NRG1: variants seen among roughly 807,000 people sequenced by gnomAD.
NRG1 encodes neuregulin 1, also known as pro-neuregulin-1, membrane-bound isoform.
In NRG1, 18 loss-of-function variants were observed where a neutral mutation model predicts 63.8. The observed-to-expected ratio is 0.28, with a 90% CI of 0.19 to 0.42. NRG1 has a LOEUF of 0.42. NRG1 is among the 10% of genes least tolerant of loss of function. The pLI, the probability that NRG1 is intolerant of heterozygous loss-of-function variation, is 1.00. For synonymous variants in NRG1, 302 were observed against 301.3 expected (o/e 1.00, Z -0.02); for missense variants, 762 against 814.7 (o/e 0.94, Z 0.79).
chr8:31,673,536 A>G (rs1487271174), intron 1 of NRG1, among the ~76,000 whole-genome samples: 1 of 152,174 alleles, frequency 6.6e-6, no homozygotes, highest in Non-Finnish European at 1.5e-5. Context: ...TGTACATTTA[A>G]TAAGTCATTG....
At chr8:32,258,251 T>C (rs1210307473) in intron 1 of NRG1, among the ~76,000 whole-genome samples, 1 of 152,232 alleles carries the variant, frequency 6.6e-6, no homozygotes, top group Non-Finnish European at 1.5e-5. Context: ...TCTCTCATTC[T>C]GAAATAGCTT....
At chr8:32,232,345 G>A (rs1461764915) in intron 1 of NRG1, among the ~76,000 whole-genome samples, 1 of 152,172 alleles carries the variant, frequency 6.6e-6, no homozygotes, top group African/African-American at 2.4e-5. Flanking sequence ...GTAGTGTTTT[G>A]TTTTGTTTTG....
intron 1 of NRG1, among the ~76,000 whole-genome samples, chr8:32,338,964 A>C (rs1437931381): frequency 1.4e-4 from 22 of 152,090 alleles, no homozygotes; most frequent in Non-Finnish European, 1.5e-5. Context: ...GCTCCTATCT[A>C]CCATAGAAGG....
At chr8:32,359,779 G>A (rs1173004380) in intron 1 of NRG1, among the ~76,000 whole-genome samples, 1 of 152,086 alleles carries the variant, frequency 6.6e-6, no homozygotes, top group East Asian at 1.9e-4. Flanking sequence ...GTCTAGTAAA[G>A]TTATTGTAAG....
intron 1 of NRG1, among the ~76,000 whole-genome samples, chr8:31,833,150 A>G (rs913521259): frequency 6.6e-6 from 1 of 152,168 alleles, no homozygotes; most frequent in African/African-American, 2.4e-5. Context: ...AAAGGCACAT[A>G]GAGAAGAGTG....
rs1801664640 is a variant in NRG1, at chr8:32,657,059, T to C, written c.502+40174T>C. Among the ~76,000 whole-genome samples the C allele has an allele frequency of 2.0e-5, 3 of 152,024 alleles. No homozygotes were observed. The South Asian group carries it at 6.2e-4, about 32-fold the overall frequency. On this transcript the variant is annotated intron_variant, in intron 5 of 11. Coordinates refer to ENST00000356819, the Ensembl canonical transcript of NRG1. ...TAATTATCAAATGTAAAAATCTTCATAATTTATTTTAGTTTAAAAGTTATT... is the reference window on the plus strand; with the variant it reads ...TAATTATCAAATGTAAAAATCTTCACAATTTATTTTAGTTTAAAAGTTATT...
intron 1 of NRG1, among the ~76,000 whole-genome samples, chr8:32,410,270 T>A (rs1056976352): frequency 7.4e-6 from 1 of 136,014 alleles, no homozygotes; most frequent in Non-Finnish European, 1.5e-5. Context: ...AGCCTCTACC[T>A]CCCAGGCTCA....
chr8:31,868,102 A>G (rs557219847), intron 1 of NRG1, among the ~76,000 whole-genome samples: 1 of 150,470 alleles, frequency 6.6e-6, no homozygotes, highest in African/African-American at 2.4e-5. Context: ...GATCCTGAGC[A>G]GTTATACTCT....
intron 5 of NRG1, among the ~76,000 whole-genome samples, chr8:32,675,857 A>G (rs1021220208): frequency 6.6e-6 from 1 of 152,172 alleles, no homozygotes; most frequent in South Asian, 2.1e-4. Context: ...ACTTTTTTGT[A>G]TGTGAAATAC....
At chr8:32,428,775 T>C (rs1268643631) in intron 1 of NRG1, among the ~76,000 whole-genome samples, 1 of 152,204 alleles carries the variant, frequency 6.6e-6, no homozygotes, top group Non-Finnish European at 1.5e-5. Flanking sequence ...GCAAAAGTAA[T>C]GGATTGTTCC....
At chr8:32,222,331 T>C (rs1845905974) in intron 1 of NRG1, among the ~76,000 whole-genome samples, 2 of 152,162 alleles carry the variant, frequency 1.3e-5, no homozygotes, top group Non-Finnish European at 2.9e-5. Context: ...TTTTAACTCC[T>C]TCCTTCTCTG....
intron 1 of NRG1, among the ~76,000 whole-genome samples, chr8:31,663,685 G>A (rs937913063): frequency 6.6e-6 from 1 of 152,198 alleles, no homozygotes; most frequent in African/African-American, 2.4e-5. Context: ...TCATGGGGAA[G>A]AGGGCTGGGT....
At chr8:32,219,529 A>G (rs1845594953) in intron 1 of NRG1, among the ~76,000 whole-genome samples, 1 of 152,224 alleles carries the variant, frequency 6.6e-6, no homozygotes. Flanking sequence ...GCCAAAAGCC[A>G]TTTATGAATC....
rs138442295 is a variant in NRG1 at position 31,641,458 on chromosome 8, C to T, written c.37+2027C>T. The stretch of plus-strand genomic sequence containing the variant: ...AAATTATGGAATATCACATGTAGGC[C>T]CTGAAGAAGAAGAATTTTGGAAGTT... On this transcript the variant is annotated intron_variant, in intron 1 of 10. Transcript: ENST00000519301. 9.1e-3 allele frequency among the ~76,000 whole-genome samples: 1,386 copies of T among 151,886 alleles called. 13 individuals are homozygous for T. Among genetic ancestry groups the T allele is most frequent in the South Asian group, 0.018 (86 of 4,820 alleles).
At position 31,858,192 on chromosome 8, in the gene NRG1, G is replaced by A. The variant is rs555771858; in HGVS notation, c.37+218761G>A. Among the ~76,000 whole-genome samples the A allele has an allele frequency of 3.9e-4, 60 of 152,116 alleles. 1 individual carries two copies. The highest frequency in any genetic ancestry group is 1.1e-3 in the Admixed American group (17 of 15,286). ...CAGGCGCCTGTAGTCCCAGCTACTC[G>A]GGAGGCTGAGGCAGGAGAATGGCGT... On this transcript the variant is annotated intron_variant, in intron 1 of 10. Coordinates refer to the NRG1 transcript ENST00000519301.
intron 1 of NRG1, among the ~76,000 whole-genome samples, chr8:32,288,175 T>G (rs1853765584): frequency 6.6e-6 from 1 of 151,978 alleles, no homozygotes; most frequent in Non-Finnish European, 1.5e-5. Context: ...AGAGAGATAA[T>G]ACAGAGATAG....
At chr8:31,667,421 C>T in intron 1 of NRG1, among the ~76,000 whole-genome samples, 1 of 152,184 alleles carries the variant, frequency 6.6e-6, no homozygotes, top group Non-Finnish European at 1.5e-5. Flanking sequence ...CCCCCATCCC[C>T]TGCTCCTCAG....
At chr8:32,645,960 C>G (rs535897771) in intron 5 of NRG1, among the ~76,000 whole-genome samples, 4 of 152,298 alleles carry the variant, frequency 2.6e-5, no homozygotes, top group African/African-American at 7.2e-5. Context: ...AAGGCATGCT[C>G]TCATAGAAAA....
At chr8:31,873,166 G>A (rs1476612472) in intron 1 of NRG1, among the ~76,000 whole-genome samples, 1 of 152,178 alleles carries the variant, frequency 6.6e-6, no homozygotes, top group Non-Finnish European at 1.5e-5. Flanking sequence ...TTTGGGAGTT[G>A]CAAGAATAGA....
Sources: gnomAD v4.1 joint callset for allele counts (sites outside exome capture counted in the v4.1 genomes callset) on GRCh38, gnomAD v4.1.1 for gene constraint, MANE v1.5 for transcripts, NCBI Gene and HGNC (gene_info 2026-07-23, HGNC 2026-07-21) for gene names.